RBFOX1: variants seen among roughly 807,000 people sequenced by gnomAD.
RBFOX1 encodes the protein RNA binding fox-1 homolog 1, also known as RNA binding protein fox-1 homolog 1.
In RBFOX1, 8 loss-of-function variants were observed where a neutral mutation model predicts 57.7. The observed-to-expected ratio is 0.14, with a 90% CI of 0.08 to 0.25. The LOEUF (loss-of-function observed/expected upper bound fraction) is 0.25, where lower values mean the gene tolerates loss of function less well. Ranked by LOEUF, RBFOX1 falls within the 10% of genes least tolerant of loss-of-function variation. The pLI is 1.00. For missense variants in RBFOX1, 611 were observed against 548.5 expected (o/e 1.11, Z -1.14); for synonymous variants, 326 against 222.4 (o/e 1.47, Z -4.15).
intron 4 of RBFOX1, among the ~76,000 whole-genome samples, chr16:7,156,941 C>G (rs900145981): frequency 6.6e-6 from 1 of 152,134 alleles, no homozygotes; most frequent in African/African-American, 2.4e-5. Context: ...ATAACCTGTT[C>G]TCTTTACAGC....
chr16:5,367,322 G>T (rs903805019), intron 1 of RBFOX1, among the ~76,000 whole-genome samples: 1 of 152,188 alleles, frequency 6.6e-6, no homozygotes, highest in African/African-American at 2.4e-5. Flanking sequence ...CTCCTGACCT[G>T]CCCAGAACAC....
At chr16:7,402,762 A>G (rs1012590562) in intron 4 of RBFOX1, among the ~76,000 whole-genome samples, 16 of 152,172 alleles carry the variant, frequency 1.1e-4, no homozygotes, top group African/African-American at 3.9e-4. Flanking sequence ...CCCCTCCTTA[A>G]TCCCATTTGA....
intron 3 of RBFOX1, among the ~76,000 whole-genome samples, chr16:5,612,349 C>G (rs185712370): frequency 2.0e-5 from 3 of 149,556 alleles, no homozygotes; most frequent in African/African-American, 7.3e-5. Context: ...ATCTGTCCAT[C>G]CATGCAATAT....
At chr16:7,497,965 T>C (rs2069247102) in intron 4 of RBFOX1, among the ~76,000 whole-genome samples, 1 of 152,112 alleles carries the variant, frequency 6.6e-6, no homozygotes, top group Non-Finnish European at 1.5e-5. Context: ...TCACACAGAG[T>C]AAAAACAAGC....
At chr16:6,337,601 T>C (rs919885023) in intron 2 of RBFOX1, among the ~76,000 whole-genome samples, 3 of 152,198 alleles carry the variant, frequency 2.0e-5, no homozygotes, top group East Asian at 3.9e-4. Context: ...GAGGCAGATA[T>C]ATAGGCTACA....
chr16:6,003,596 C>T (rs2060640370), intron 4 of RBFOX1, among the ~76,000 whole-genome samples: 1 of 152,042 alleles, frequency 6.6e-6, no homozygotes, highest in East Asian at 1.9e-4. Flanking sequence ...AATACAGCGA[C>T]AGCTTCCTGA....
intron 3 of RBFOX1, among the ~76,000 whole-genome samples, chr16:6,669,487 C>T (rs1197143593): frequency 6.6e-6 from 1 of 151,878 alleles, no homozygotes. Flanking sequence ...TGTTTTTTTC[C>T]AGAGTGATTG....
At chr16:5,459,417 C>G (rs1479624215) in intron 1 of RBFOX1, among the ~76,000 whole-genome samples, 2 of 152,160 alleles carry the variant, frequency 1.3e-5, no homozygotes, top group East Asian at 1.9e-4. Context: ...TAGCACTTTG[C>G]TAAACCACCT....
chr16:7,510,436 C>T (rs1334038195), intron 4 of RBFOX1: 1 of 761,486 alleles, frequency 1.3e-6, no homozygotes, highest in East Asian at 1.3e-4. Context: ...GAATCATGCC[C>T]GGGGAAAGGA....
chr16:7,625,665 T>C (rs924849299), intron 10 of RBFOX1, among the ~76,000 whole-genome samples: 5 of 152,210 alleles, frequency 3.3e-5, no homozygotes, highest in African/African-American at 1.2e-4. Context: ...TTCACATTTT[T>C]TGTTTAAATT....
At chr16:7,583,719 A>T (rs1257977505) in intron 6 of RBFOX1, among the ~76,000 whole-genome samples, 1 of 152,074 alleles carries the variant, frequency 6.6e-6, no homozygotes, top group Non-Finnish European at 1.5e-5. Context: ...GGTGGCTTAT[A>T]CCTGTAATCC....
rs551480629 is a variant in RBFOX1, at chr16:5,418,532, G to C, written c.220-48684G>C. ...AGATATTTCTTTCGGTGTAGACAGA[G>C]AGAGAGGCTGTTGTTAGAGGGTGTT... On this transcript the variant is annotated intron_variant, in intron 1 of 2. Coordinates refer to the RBFOX1 transcript ENST00000585867. Among the ~76,000 whole-genome samples the C allele has an allele frequency of 3.9e-5, 6 of 152,324 alleles. No homozygotes were observed. In the East Asian group the frequency reaches 9.7e-4, roughly 25 times the overall value.
intron 4 of RBFOX1, among the ~76,000 whole-genome samples, chr16:7,515,142 G>C (rs1401960784): frequency 6.6e-6 from 1 of 152,058 alleles, no homozygotes; most frequent in Non-Finnish European, 1.5e-5. Context: ...CAACATTTCT[G>C]GGGCTTTTCA....
intron 2 of RBFOX1, among the ~76,000 whole-genome samples, chr16:6,350,340 C>G (rs916982381): frequency 2.6e-5 from 4 of 151,400 alleles, no homozygotes; most frequent in African/African-American, 9.7e-5. Context: ...ACTCGGGAGG[C>G]TGAGGCAGGA....
chr16:6,018,977 G>C, upstream of RBFOX1: 3 of 624,372 alleles, frequency 4.8e-6, no homozygotes, highest in Non-Finnish European at 6.0e-6. Flanking sequence ...CCGCGGCGGC[G>C]GCGGCGCTGG....
At chr16:5,333,832 A>AT (rs1168231947) in intron 1 of RBFOX1, among the ~76,000 whole-genome samples, 1 of 152,210 alleles carries the variant, frequency 6.6e-6, no homozygotes, top group African/African-American at 2.4e-5. Context: ...AGTGGTTAGT[A>AT]TTTGTGTATC....
intron 4 of RBFOX1, among the ~76,000 whole-genome samples, chr16:7,440,974 T>A (rs1214343202): frequency 2.0e-5 from 3 of 152,034 alleles, no homozygotes; most frequent in African/African-American, 7.2e-5. Flanking sequence ...GCCCAGAGTT[T>A]GACGTTGCGC....
At chr16:7,064,904 A>T (rs1038607799) in intron 4 of RBFOX1, among the ~76,000 whole-genome samples, 2 of 152,150 alleles carry the variant, frequency 1.3e-5, no homozygotes, top group South Asian at 2.1e-4. Flanking sequence ...CTCCCTCTGT[A>T]TGTGCATTTT....
At chr16:6,447,165 G>A (rs746183517) in intron 2 of RBFOX1, among the ~76,000 whole-genome samples, 7 of 152,066 alleles carry the variant, frequency 4.6e-5, no homozygotes, top group Non-Finnish European at 8.8e-5. Flanking sequence ...TCCTTCAAGC[G>A]TTGCATTATG....
Sources: gnomAD v4.1 joint callset for allele counts (sites outside exome capture counted in the v4.1 genomes callset) on GRCh38, gnomAD v4.1.1 for gene constraint, MANE v1.5 for transcripts, NCBI Gene and HGNC (gene_info 2026-07-23, HGNC 2026-07-21) for gene names.